INTS1: variants seen among roughly 807,000 people sequenced by gnomAD.
INTS1 encodes integrator complex subunit 1.
A neutral mutation model predicts 241.6 loss-of-function variants in INTS1; 137 were observed. The ratio of observed to expected loss-of-function variants is 0.57; its 90% confidence interval spans 0.49 to 0.65. The LOEUF (loss-of-function observed/expected upper bound fraction) is 0.65, where lower values mean the gene tolerates loss of function less well. Ranked by LOEUF, INTS1 falls within the 30% of genes least tolerant of loss-of-function variation. The pLI, the probability that INTS1 is intolerant of heterozygous loss-of-function variation, is 0.00. For synonymous variants in INTS1, 1,692 were observed against 1,337.8 expected, an observed-to-expected ratio of 1.26 and a Z score of -5.78; for missense variants, 3,073 against 3,032.2, an observed-to-expected ratio of 1.01 and a Z score of -0.32.
chr7:1,471,392 C>A (rs1781461860), intron 45 of INTS1, among the ~76,000 whole-genome samples, 168 bp from the exon 46 acceptor site: 1 of 152,150 alleles, frequency 6.6e-6, no homozygotes, highest in Non-Finnish European at 1.5e-5. Flanking sequence ...GGGCTGAAGG[C>A]AGGCCTGCTC....
At position 1,473,926 on chromosome 7, in the gene INTS1, C is replaced by G. The variant is rs554574391; in HGVS notation, c.5830-233G>C. 2.6e-5 allele frequency among the ~76,000 whole-genome samples: 4 copies of G among 152,338 alleles called. No individual in the cohort carries two copies. In the East Asian group the frequency reaches 7.7e-4, roughly 29 times the overall value. ...GATGAGGGGCTCGAGGTAGCACAAG[C>G]GACACGCAGAGAACAGCACGGAGGG... On this transcript the variant is annotated intron_variant, in intron 41 of 47. Transcript: ENST00000404767.
rs746220578 is a variant in INTS1 at position 1,485,136 on chromosome 7, G to T, written c.3223C>A (p.Pro1075Thr). The T allele has an allele frequency of 6.2e-7, 1 of 1,601,194 alleles. No homozygotes were observed. Among genetic ancestry groups the T allele is most frequent in the African/African-American group, 1.3e-5 (1 of 75,042 alleles). ...AYLIYLSQHT[P>T]VEEQAQHSDL... ...CTGTGCTGGGCCTGCTCCTCCACAG[G>T]CGTGTGCTGGGACAAGTAGATCAGG... The change falls in exon 24 of 48, where the codon CCT becomes ACT. Residue 1075 changes from proline (P) to threonine (T), a missense_variant. Coordinates refer to ENST00000404767, the MANE Select transcript of INTS1 (RefSeq NM_001080453.3).
intron 16 of INTS1, 60 bp from the exon 17 acceptor site, chr7:1,489,742 G>A: frequency 1.6e-6 from 2 of 1,278,478 alleles, no homozygotes; most frequent in Non-Finnish European, 2.1e-6. Context: ...CCAAGGATCG[G>A]CCGGGCCAGG....
At chr7:1,487,226 G>C (rs921099853) in intron 20 of INTS1, 94 bp downstream of exon 20, 11 of 1,510,404 alleles carry the variant, frequency 7.3e-6, no homozygotes, top group Non-Finnish European at 8.9e-6. Context: ...CCCGCATCCA[G>C]GTGTGTCCTG....
chr7:1,481,990 C>T lies in INTS1; in HGVS notation c.3704-502G>A, dbSNP rs113991696. On this transcript the variant is annotated intron_variant, in intron 27 of 47. Coordinates refer to ENST00000404767, the MANE Select transcript of INTS1 (RefSeq NM_001080453.3). The surrounding 1 kb of genome is among the most constrained non-coding windows in gnomAD (Gnocchi z 6.8). ...GACTATCTTCTCTCAGTGCTCAGGG[C>T]GCTCTTGCCCCGAAGCCATCGGTGG... Among the ~76,000 whole-genome samples the T allele has an allele frequency of 3.7e-4, 56 of 152,180 alleles. No homozygotes were observed. The highest frequency in any genetic ancestry group is 7.4e-4 in the Non-Finnish European group (50 of 68,010).
At position 1,479,702 on chromosome 7, in the gene INTS1, A is replaced by G; in HGVS notation, c.4075-18T>C. On this transcript the variant is annotated intron_variant, in intron 30 of 47. Transcript: ENST00000404767. ...GGGAAAATCTGGAACGGGGAAGGCC[A>G]GTGTCAGGAGGAAGCGGAGGAGAAG... is the stretch of plus-strand genomic sequence containing the variant. The G allele has an allele frequency of 6.9e-7, 1 of 1,454,984 alleles. No individual in the cohort carries two copies. Among genetic ancestry groups the G allele is most frequent in the Non-Finnish European group, 9.1e-7 (1 of 1,102,442 alleles). The allele number at this position is 1,454,984 out of a possible 1,614,324, so 90.1% of individuals were successfully genotyped here.
In INTS1 at chr7:1,498,494, T is replaced by C. The variant is rs931195172; in HGVS notation, c.1343A>G (p.Asn448Ser). The C allele has an allele frequency of 3.7e-6, 6 of 1,613,960 alleles. No individual in the cohort carries two copies. Among genetic ancestry groups the C allele is most frequent in the Non-Finnish European group, 5.1e-6 (6 of 1,179,876 alleles). ...CGGGTTCCGGGCGCTGGAGAGCTCA[T>C]TGAAGATCACCAACTTGATGGTGGT... Reference protein sequence around the residue: ...LGTTIKLVIFNELSSARNPNN... With the variant: ...LGTTIKLVIFSELSSARNPNN... The change falls in exon 10 of 48, where the codon AAT becomes AGT. Residue 448 changes from asparagine to serine, a missense_variant. Physicochemically the swap from Asn to Ser is conservative, Grantham distance 46. Transcript: ENST00000404767.
chr7:1,479,330 C>T (rs1295953096), intron 31 of INTS1, 100 bp downstream of exon 31: 9 of 1,360,880 alleles, frequency 6.6e-6, no homozygotes, highest in Non-Finnish European at 8.9e-6. Flanking sequence ...AACTGAGACC[C>T]AAGACCCACA....
At position 1,496,271 on chromosome 7, in the gene INTS1, G is replaced by T. The variant is rs368030364; in HGVS notation, c.1603-7C>A. ...TGTGCACCACGAAGCGCTCCTGCAGGTGCAGCACGGGGTCTGTATCCAGAA... is the reference window on the plus strand; with the variant it reads ...TGTGCACCACGAAGCGCTCCTGCAGTTGCAGCACGGGGTCTGTATCCAGAA... On this transcript the variant is annotated splice_region_variant and splice_polypyrimidine_tract_variant and intron_variant, in intron 11 of 47. Coordinates refer to ENST00000404767, the MANE Select transcript of INTS1 (RefSeq NM_001080453.3). 6.2e-7 allele frequency: 1 copy of T among 1,612,886 alleles called. No individual in the cohort carries two copies. The highest frequency in any genetic ancestry group is 2.2e-5 in the East Asian group (1 of 44,852).
In INTS1 at chr7:1,473,054, C is replaced by G. The variant is rs1463830780; in HGVS notation, c.6070+18G>C. The G allele has an allele frequency of 7.8e-6, 12 of 1,539,988 alleles. No individual in the cohort carries two copies. Among genetic ancestry groups the G allele is most frequent in the Non-Finnish European group, 1.1e-5 (12 of 1,123,492 alleles). ...TGTTCCGCAGCTGCTTCCAGCAGCC[C>G]CTGGCAGCCCCACTCACCCTCGCCC... On this transcript the variant is annotated intron_variant, in intron 43 of 47. Coordinates refer to ENST00000404767, the MANE Select transcript of INTS1 (RefSeq NM_001080453.3).
chr7:1,502,452 C>G (rs570291383), intron 3 of INTS1, among the ~76,000 whole-genome samples: 13 of 152,282 alleles, frequency 8.5e-5, no homozygotes, highest in Admixed American at 2.6e-4. Context: ...CAACTGAAAA[C>G]AGGGAGGGGA....
At position 1,493,359 on chromosome 7, in the gene INTS1, C is replaced by T. The variant is rs957361571; in HGVS notation, c.2069-253G>A. ...CCAAGAGAGGGTAGGGAGGTGAGGACGGGGGTGTGGCCGGCAGGGTGGGGA... is the reference window on the plus strand; with the variant it reads ...CCAAGAGAGGGTAGGGAGGTGAGGATGGGGGTGTGGCCGGCAGGGTGGGGA... On this transcript the variant is annotated intron_variant, in intron 15 of 47. Transcript: ENST00000404767. The surrounding 1 kb of genome is among the most constrained non-coding windows in gnomAD (Gnocchi z 5.3). Among the ~76,000 whole-genome samples, 2 of 151,336 alleles carry T rather than the reference C, an allele frequency of 1.3e-5. No homozygotes were observed. Among genetic ancestry groups the T allele is most frequent in the African/African-American group, 2.4e-5 (1 of 41,122 alleles).
Position 1,497,593 on chromosome 7 carries a change from C to G in INTS1, c.1426-279G>C, listed in dbSNP as rs940871584. Among the ~76,000 whole-genome samples, 1 of 152,154 alleles carries G rather than the reference C, an allele frequency of 6.6e-6. No individual in the cohort carries two copies. On this transcript the variant is annotated intron_variant, in intron 10 of 47. Coordinates refer to ENST00000404767, the MANE Select transcript of INTS1 (RefSeq NM_001080453.3). This position sits in a 1 kb window ranked among gnomAD's most constrained non-coding sequence, Gnocchi z 5.3. ...GAAGCTGGGGGTGCGGGACACCAGGCGGCAAAGCCATAGAAGCGCGTGTGC... is the reference window on the plus strand; with the variant it reads ...GAAGCTGGGGGTGCGGGACACCAGGGGGCAAAGCCATAGAAGCGCGTGTGC...
intron 26 of INTS1, chr7:1,483,541 T>G: frequency 1.6e-6 from 1 of 620,740 alleles, no homozygotes; most frequent in Non-Finnish European, 2.9e-6. Context: ...CGTGGGGATC[T>G]CCCACACGTC....
chr7:1,474,842 C>A lies in INTS1; in HGVS notation c.5503-4G>T. 1.3e-6 allele frequency: 2 copies of A among 1,582,298 alleles called. No homozygotes were observed. The highest frequency in any genetic ancestry group is 1.7e-6 in the Non-Finnish European group (2 of 1,166,426). On this transcript the variant is annotated splice_polypyrimidine_tract_variant and splice_region_variant and intron_variant, in intron 39 of 47. Transcript: ENST00000404767. The stretch of plus-strand genomic sequence containing the variant: ...AGCGGTGGATGAGTCCGTCCAGCTG[C>A]AGGGAGGGGCGCTCTGAGGCCGGGG...
rs199528180 is a variant in INTS1 at position 1,471,572 on chromosome 7, G to A, written c.6254C>T (p.Ser2085Leu). The A allele has an allele frequency of 2.1e-5, 34 of 1,612,020 alleles. No individual in the cohort carries two copies. The highest frequency in any genetic ancestry group is 1.6e-4 in the Middle Eastern group (1 of 6,082). Residue 2085 changes from serine to leucine, a missense_variant and splice_region_variant, in exon 45 of 48, where the codon TCG becomes TTG. Transcript: ENST00000404767. ...RRRPEILSFF[S>L]TNLQRLMSSA... ...CTCCCTCAGCCCCATCCAGCTCACC[G>A]AGAAGAAGCTCAGGATCTCGGGTCT...
In INTS1 at chr7:1,497,361, C is replaced by T; in HGVS notation, c.1426-47G>A. On this transcript the variant is annotated intron_variant, in intron 10 of 47. Coordinates refer to ENST00000404767, the MANE Select transcript of INTS1 (RefSeq NM_001080453.3). The surrounding 1 kb of genome is among the most constrained non-coding windows in gnomAD (Gnocchi z 5.3). ...TGGGAGGCTGCCCGACAGTGCTGTC[C>T]CTGTCACAGGCCCCTTCCCGCAGCA... is the stretch of plus-strand genomic sequence containing the variant. The T allele has an allele frequency of 6.4e-7, 1 of 1,568,384 alleles. No homozygotes were observed. Among genetic ancestry groups the T allele is most frequent in the Admixed American group, 1.8e-5 (1 of 55,294 alleles).
intron 21 of INTS1, 68 bp from the exon 22 acceptor site, chr7:1,486,842 G>A (rs925287681): frequency 9.9e-5 from 158 of 1,595,820 alleles, no homozygotes; most frequent in Non-Finnish European, 1.3e-4. Flanking sequence ...GGGGTGCGCG[G>A]CTGGTGGGCT....
chr7:1,473,034 C>T lies in INTS1; in HGVS notation c.6070+38G>A, dbSNP rs202026423. ...AAAACCAGGCCCTGTAGGACTGTTC[C>T]GCAGCTGCTTCCAGCAGCCCCTGGC... On this transcript the variant is annotated intron_variant, in intron 43 of 47. Coordinates refer to ENST00000404767, the MANE Select transcript of INTS1 (RefSeq NM_001080453.3). The T allele has an allele frequency of 1.8e-4, 259 of 1,425,436 alleles. 2 individuals are homozygous for T. The African/African-American group carries it at 3.0e-3, about 16-fold the overall frequency. The allele number at this position is 1,425,436 out of a possible 1,614,324, so 88.3% of individuals were successfully genotyped here.
Sources: allele counts gnomAD v4.1 joint callset (sites outside exome capture counted in the v4.1 genomes callset), GRCh38; gene constraint gnomAD v4.1.1; non-coding constraint Gnocchi (gnomAD v3.1); transcripts MANE v1.5; gene names NCBI Gene and HGNC (gene_info 2026-07-23, HGNC 2026-07-21).